Variants in ADK observed in about 807,000 individuals in gnomAD.
ADK encodes the protein adenosine kinase.
A neutral mutation model predicts 44.7 loss-of-function variants in ADK; 24 were observed. The observed-to-expected ratio is 0.54, with a 90% CI of 0.39 to 0.76. The LOEUF (loss-of-function observed/expected upper bound fraction) is 0.76, where lower values mean the gene tolerates loss of function less well. Among genes scored for constraint, ADK ranks in the 30% least tolerant of loss-of-function variants. The pLI is 0.00. For synonymous variants in ADK, 128 were observed against 142.6 expected (o/e 0.90, Z 0.73); for missense variants, 321 against 425.1 (o/e 0.76, Z 2.15).
At chr10:74,219,638 A>G (rs909270766) in intron 2 of ADK, among the ~76,000 whole-genome samples, 33 of 152,076 alleles carry the variant, frequency 2.2e-4, no homozygotes, top group Admixed American at 7.9e-4. Flanking sequence ...TCCTCAGCAA[A>G]TGTAAAAGAA....
chr10:74,541,710 T>C (rs1246484275), intron 7 of ADK, among the ~76,000 whole-genome samples: 1 of 151,282 alleles, frequency 6.6e-6, no homozygotes, highest in African/African-American at 2.4e-5. Context: ...GGAGGATTGC[T>C]TGAGCCCAGG....
At chr10:74,612,886 C>A (rs1025399645) in intron 9 of ADK, among the ~76,000 whole-genome samples, 8 of 151,980 alleles carry the variant, frequency 5.3e-5, no homozygotes, top group Non-Finnish European at 4.4e-5. Flanking sequence ...AATTGAGTGT[C>A]CTTTCATCAC....
intron 9 of ADK, among the ~76,000 whole-genome samples, chr10:74,608,546 T>A (rs1257158221): frequency 6.6e-6 from 1 of 152,116 alleles, no homozygotes; most frequent in Non-Finnish European, 1.5e-5. Flanking sequence ...TTTGCCTGGG[T>A]ATCACCAGCA....
At position 74,350,694 on chromosome 10, in the gene ADK, G is replaced by A. The variant is rs1841934913; in HGVS notation, c.273+35949G>A. On this transcript the variant is annotated intron_variant, in intron 4 of 10. Coordinates refer to ENST00000539909, the MANE Select transcript of ADK (RefSeq NM_006721.4). ...CTAGACTATTAAAGAAGAAAAGAGA[G>A]AAGAATCAAATGGACACAATAAAAA... 2.6e-5 allele frequency among the ~76,000 whole-genome samples: 4 copies of A among 152,154 alleles called. No individual in the cohort carries two copies. In the South Asian group the frequency reaches 8.3e-4, roughly 32 times the overall value.
intron 6 of ADK, among the ~76,000 whole-genome samples, chr10:74,503,184 T>C (rs1477152737): frequency 6.6e-6 from 1 of 152,162 alleles, no homozygotes; most frequent in Non-Finnish European, 1.5e-5. Flanking sequence ...AAAATATTTA[T>C]TGGGGCATTT....
At chr10:74,427,829 C>T (rs1237977604) in intron 6 of ADK, among the ~76,000 whole-genome samples, 1 of 152,114 alleles carries the variant, frequency 6.6e-6, no homozygotes, top group African/African-American at 2.4e-5. Flanking sequence ...AGTAGTGACA[C>T]ACCTAGCGTT....
At chr10:74,171,032 A>C (rs1842149036) in intron 1 of ADK, among the ~76,000 whole-genome samples, 1 of 151,920 alleles carries the variant, frequency 6.6e-6, no homozygotes, top group South Asian at 2.1e-4. Flanking sequence ...TTCATACTCT[A>C]CTTCCTTTTG....
At chr10:74,448,881 T>TA (rs1845677872) in intron 6 of ADK, among the ~76,000 whole-genome samples, 6 of 149,636 alleles carry the variant, frequency 4.0e-5, no homozygotes, top group African/African-American at 1.5e-4. Context: ...ACTGCCTTTT[T>TA]TAAAAAAAAA....
intron 9 of ADK, among the ~76,000 whole-genome samples, chr10:74,607,810 A>ATGGTTTTTAGAAACCTG (rs1852384582): frequency 1.3e-5 from 2 of 152,026 alleles, no homozygotes; most frequent in Non-Finnish European, 1.5e-5. Flanking sequence ...TTCTTGGATA[A>ATGGTTTTTAGAAACCTG]TATTCTGAAG....
At chr10:74,492,363 A>G (rs1847520735) in intron 6 of ADK, among the ~76,000 whole-genome samples, 1 of 152,092 alleles carries the variant, frequency 6.6e-6, no homozygotes, top group African/African-American at 2.4e-5. Flanking sequence ...GCTATTTGGG[A>G]GGCTGAGGAG....
chr10:74,296,493 GTATGGGCAAAGT>G (rs1477732979), intron 3 of ADK, among the ~76,000 whole-genome samples: 1 of 151,992 alleles, frequency 6.6e-6, no homozygotes, highest in Non-Finnish European at 1.5e-5. Flanking sequence ...GTAATAAGTA[GTATGGGCAAAGT>G]TATAGAGAAT....
At chr10:74,673,827 G>A (rs995941686) in intron 10 of ADK, among the ~76,000 whole-genome samples, 1 of 152,168 alleles carries the variant, frequency 6.6e-6, no homozygotes, top group Non-Finnish European at 1.5e-5. Context: ...AGGAAGGGGA[G>A]CTGAAAGGGG....
chr10:74,164,768 T>C (rs993292052), intron 1 of ADK, among the ~76,000 whole-genome samples: 3 of 152,148 alleles, frequency 2.0e-5, no homozygotes, highest in Admixed American at 2.0e-4. Context: ...TTGTGTAGCA[T>C]TCCTACATTT....
intron 4 of ADK, among the ~76,000 whole-genome samples, chr10:74,381,399 C>T (rs1291926846): frequency 6.6e-6 from 1 of 152,120 alleles, no homozygotes; most frequent in African/African-American, 2.4e-5. Flanking sequence ...ATTCCTTTGC[C>T]TTAAATGCTT....
At chr10:74,235,238 A>G (rs10824122) in intron 3 of ADK, among the ~76,000 whole-genome samples, 26,553 of 151,536 alleles carry the variant, frequency 0.18, 2,757 homozygotes, top group African/African-American at 0.29. Flanking sequence ...CTTCTACAAC[A>G]GGTAGAAAGA....
Position 74,632,074 on chromosome 10 carries a change from C to T in ADK, c.877+31581C>T, listed in dbSNP as rs367694119. Among the ~76,000 whole-genome samples the T allele has an allele frequency of 3.9e-5, 6 of 152,134 alleles. No homozygotes were observed. In the South Asian group the frequency reaches 1.2e-3, roughly 32 times the overall value. On this transcript the variant is annotated intron_variant, in intron 9 of 10. Coordinates refer to ENST00000539909, the MANE Select transcript of ADK (RefSeq NM_006721.4). ...ACCGTGACCACGATCAATTTTAGAA[C>T]ATTTTCATCATCCCAGAAACTGTCT...
chr10:74,280,415 A>AACACACACAC (rs71021599), intron 3 of ADK, among the ~76,000 whole-genome samples: 5,363 of 144,382 alleles, frequency 0.037, 139 homozygotes, highest in Non-Finnish European at 0.048. Flanking sequence ...AACAAGTTTA[A>AACACACACAC]ACACACACAC....
chr10:74,517,549 C>T (rs572749855), intron 6 of ADK, among the ~76,000 whole-genome samples: 4 of 151,842 alleles, frequency 2.6e-5, no homozygotes, highest in Non-Finnish European at 4.4e-5. Flanking sequence ...ACTAGCTGGG[C>T]GTCGTGGTGC....
intron 1 of ADK, among the ~76,000 whole-genome samples, chr10:74,153,992 G>A (rs563608253): frequency 6.6e-6 from 1 of 152,272 alleles, no homozygotes; most frequent in African/African-American, 2.4e-5. Context: ...TCCTCTTGGT[G>A]GGAAATAAGT....
Sources: gnomAD v4.1 joint callset for allele counts (sites outside exome capture counted in the v4.1 genomes callset) on GRCh38, gnomAD v4.1.1 for gene constraint, MANE v1.5 for transcripts, NCBI Gene and HGNC (gene_info 2026-07-23, HGNC 2026-07-21) for gene names.